The following SCAI variants were observed in gnomAD, a reference collection of about 807,000 sequenced individuals.
The protein encoded by SCAI is suppressor of cancer cell invasion, also known as protein SCAI.
SCAI carries 24 observed loss-of-function variants against 92.2 expected under a neutral mutation model. The ratio of observed to expected loss-of-function variants is 0.26; its 90% CI spans 0.19 to 0.37. The LOEUF (loss-of-function observed/expected upper bound fraction) is 0.37. SCAI is among the 10% of genes least tolerant of loss of function. The pLI is 1.00. For missense variants in SCAI, 450 were observed against 736.2 expected, an observed-to-expected ratio of 0.61 and a Z score of 4.50; for synonymous variants, 261 against 258.6, an observed-to-expected ratio of 1.01 and a Z score of -0.09.
At chr9:125,054,099 C>T (rs1018885722) in intron 3 of SCAI, among the ~76,000 whole-genome samples, 69 of 152,060 alleles carry the variant, frequency 4.5e-4, no homozygotes, top group African/African-American at 1.6e-3. Flanking sequence ...CTCAGTCTCC[C>T]GAGCAGCTGT....
At chr9:125,090,317 A>G (rs1046737996) in intron 2 of SCAI, among the ~76,000 whole-genome samples, 4 of 152,084 alleles carry the variant, frequency 2.6e-5, no homozygotes, top group African/African-American at 9.7e-5. Flanking sequence ...AAGAAGAGGA[A>G]GGAGAGGAAA....
rs1554719688 is a variant in SCAI, at chr9:125,142,690, CAAAT to C, written c.54-17_54-14del. 2.5e-6 allele frequency: 4 copies of C among 1,612,082 alleles called. No homozygotes were observed. The highest frequency in any genetic ancestry group is 3.4e-6 in the Non-Finnish European group (4 of 1,178,258). On this transcript the variant is annotated splice_polypyrimidine_tract_variant and intron_variant, in intron 1 of 17. Coordinates refer to ENST00000336505, the MANE Select transcript of SCAI (RefSeq NM_001144877.3). ...TGTGCCAGTCAGTCTGCAGACCAAA[CAAAT>C]AAGACGGTAACTAAAAGTAACATAC...
intron 2 of SCAI, among the ~76,000 whole-genome samples, chr9:125,140,257 G>A (rs1835636814): frequency 6.6e-6 from 1 of 152,098 alleles, no homozygotes. Context: ...GCCAGGCCCG[G>A]TGGCTCACAC....
chr9:124,959,558 C>CT (rs1420171727), intron 17 of SCAI, among the ~76,000 whole-genome samples: 8 of 140,342 alleles, frequency 5.7e-5, no homozygotes, highest in South Asian at 2.2e-4. Context: ...ATATAAAATA[C>CT]TTTAAGTTCT....
chr9:125,117,013 A>G (rs1835058600), intron 2 of SCAI, among the ~76,000 whole-genome samples: 1 of 152,232 alleles, frequency 6.6e-6, no homozygotes, highest in African/African-American at 2.4e-5. Context: ...GAGAATAAAG[A>G]AAAATCTGAG....
At chr9:125,030,006 C>T (rs558356621) in intron 3 of SCAI, among the ~76,000 whole-genome samples, 27 of 152,266 alleles carry the variant, frequency 1.8e-4, no homozygotes, top group African/African-American at 6.5e-4. Context: ...CCTCTCTTCC[C>T]TCTCCCTCGG....
intron 17 of SCAI, among the ~76,000 whole-genome samples, chr9:124,962,865 C>A (rs752643621): frequency 1.1e-4 from 16 of 151,084 alleles, no homozygotes; most frequent in Non-Finnish European, 1.8e-4. Context: ...GTCGCGCGAT[C>A]TTGGCTCACT....
At chr9:125,056,283 T>C (rs1192474290) in intron 2 of SCAI, among the ~76,000 whole-genome samples, 1 of 152,078 alleles carries the variant, frequency 6.6e-6, no homozygotes, top group Non-Finnish European at 1.5e-5. Flanking sequence ...CTGGCCAACA[T>C]GGAGAAAGCT....
At position 124,952,775 on chromosome 9, in the gene SCAI, T is replaced by G. The variant is rs1289758944; in HGVS notation, c.*32A>C. 1.9e-6 allele frequency: 3 copies of G among 1,586,000 alleles called. No homozygotes were observed. The highest frequency in any genetic ancestry group is 1.7e-4 in the Middle Eastern group (1 of 5,992). On this transcript the variant is annotated 3_prime_UTR_variant, in exon 18 of 18. Coordinates refer to ENST00000336505, the MANE Select transcript of SCAI (RefSeq NM_001144877.3). Reference sequence around the variant, plus strand: ...TGCACCATTTAAAATTTGTGGAAAATGAAAACTTGTTTCGACAACAGGGTT... The same window carrying G: ...TGCACCATTTAAAATTTGTGGAAAAGGAAAACTTGTTTCGACAACAGGGTT...
intron 2 of SCAI, among the ~76,000 whole-genome samples, chr9:125,066,825 C>A (rs1259741568): frequency 2.0e-5 from 3 of 152,052 alleles, no homozygotes; most frequent in Non-Finnish European, 4.4e-5. Flanking sequence ...TTTTACTGCA[C>A]CATTTCTATG....
At chr9:124,955,801 A>G (rs1262157302) in intron 17 of SCAI, among the ~76,000 whole-genome samples, 1 of 152,182 alleles carries the variant, frequency 6.6e-6, no homozygotes, top group Non-Finnish European at 1.5e-5. Flanking sequence ...GGACAATGGA[A>G]AATTATAAAC....
intron 3 of SCAI, among the ~76,000 whole-genome samples, chr9:125,047,758 T>C (rs531815302): frequency 6.6e-6 from 1 of 152,352 alleles, no homozygotes; most frequent in East Asian, 1.9e-4. Context: ...TATGTAAGTA[T>C]AAAATACTCA....
intron 2 of SCAI, among the ~76,000 whole-genome samples, chr9:125,088,993 A>C (rs1834376897): frequency 6.6e-6 from 1 of 152,154 alleles, no homozygotes; most frequent in Non-Finnish European, 1.5e-5. Flanking sequence ...ATATCTCCAG[A>C]TATTGCCAAA....
At position 125,132,697 on chromosome 9, in the gene SCAI, G is replaced by A. The variant is rs141215699; in HGVS notation, c.98+9936C>T. Among the ~76,000 whole-genome samples the A allele has an allele frequency of 9.6e-3, 1,462 of 152,210 alleles. 23 individuals carry two copies. Among genetic ancestry groups the A allele is most frequent in the African/African-American group, 0.033 (1,375 of 41,530 alleles). On this transcript the variant is annotated intron_variant, in intron 2 of 17. Transcript: ENST00000336505. ...ATTAAAAGCATTCTCAGGCTGGTGC[G>A]GTGGCTCATGCCTGTAATCCCAGCA...
At chr9:124,991,843 A>G (rs77379990) in intron 14 of SCAI, among the ~76,000 whole-genome samples, 8 of 152,320 alleles carry the variant, frequency 5.3e-5, no homozygotes, top group South Asian at 4.1e-4. Flanking sequence ...TCTCAAAAAC[A>G]AAAAACAAAA....
intron 2 of SCAI, among the ~76,000 whole-genome samples, chr9:125,124,179 G>C (rs1835214460): frequency 6.6e-6 from 1 of 152,128 alleles, no homozygotes; most frequent in East Asian, 1.9e-4. Context: ...CCTGAAATGA[G>C]ACAAAAGTAA....
chr9:125,087,267 C>T (rs956726956), intron 2 of SCAI, among the ~76,000 whole-genome samples: 1 of 152,220 alleles, frequency 6.6e-6, no homozygotes, highest in Non-Finnish European at 1.5e-5. Context: ...TTGATTGATA[C>T]ATCAGTCAAT....
intron 2 of SCAI, among the ~76,000 whole-genome samples, chr9:125,126,043 A>G (rs1835265408): frequency 6.6e-6 from 1 of 152,142 alleles, no homozygotes; most frequent in Admixed American, 6.6e-5. Context: ...CAGTGCTGGA[A>G]GAAAGGAGAC....
Position 124,968,534 on chromosome 9 carries a change from G to A in SCAI, c.1674+2836C>T, listed in dbSNP as rs566283297. 7.8e-4 allele frequency: 679 copies of A among 870,204 alleles called. 1 individual carries two copies. The highest frequency in any genetic ancestry group is 1.9e-3 in the Admixed American group (109 of 58,884). The allele number at this position is 870,204 out of a possible 1,614,324, so 53.9% of individuals were successfully genotyped here. On this transcript the variant is annotated intron_variant, in intron 17 of 17. Transcript: ENST00000336505. Reference sequence around the variant, plus strand: ...GATCTCTACCCAGTTTACCAGTTAAGACACCACTCCCAAAGGAAACATCAT... The same window carrying A: ...GATCTCTACCCAGTTTACCAGTTAAAACACCACTCCCAAAGGAAACATCAT...
Sources: allele counts gnomAD v4.1 joint callset (sites outside exome capture counted in the v4.1 genomes callset), GRCh38; gene constraint gnomAD v4.1.1; transcripts MANE v1.5; gene names NCBI Gene and HGNC (gene_info 2026-07-23, HGNC 2026-07-21).